AFF4: variants seen among roughly 807,000 people sequenced by gnomAD.
AFF4 encodes the protein AF4/FMR2 family member 4.
Under a neutral mutation model 124.8 loss-of-function variants are expected in AFF4, and 13 were observed. That is an observed-to-expected ratio of 0.10 (90% confidence interval 0.07 to 0.17). AFF4 has a LOEUF of 0.17. AFF4 is among the 10% of genes least tolerant of loss of function. The probability of loss-of-function intolerance (pLI) is 1.00; values close to 1 mark genes in which losing one functional copy is unlikely to be tolerated. For synonymous variants in AFF4, 477 were observed against 496.1 expected (o/e 0.96, Z 0.51); for missense variants, 1,092 against 1,403.8 (o/e 0.78, Z 3.55).
chr5:132,934,976 T>C, intron 2 of AFF4, 35 bp from the exon 3 acceptor site: 1 of 1,424,804 alleles, frequency 7.0e-7, no homozygotes, highest in Non-Finnish European at 9.3e-7. Context: ...AATTATAAAA[T>C]GAGCATAATC....
chr5:132,881,040 C>A lies in AFF4; in HGVS notation c.*19G>T, dbSNP rs1439571042. 6.2e-7 allele frequency: 1 copy of A among 1,608,190 alleles called. No individual in the cohort carries two copies. ...ACAGTGTTGTGGAGAAAATCAGAGG[C>A]AACGAGAATGTGTTCAGTTCAAGAT... On this transcript the variant is annotated 3_prime_UTR_variant, in exon 21 of 21. Transcript: ENST00000265343.
Position 132,877,696 on chromosome 5 carries a change from C to T in AFF4, c.*3363G>A, listed in dbSNP as rs1431738348. 1 of 211,648 alleles carries T rather than the reference C, an allele frequency of 4.7e-6. No homozygotes were observed. The highest frequency in any genetic ancestry group is 2.3e-5 in the African/African-American group (1 of 44,124). 13.1% of individuals were successfully genotyped at this position (211,648 alleles called of 1,614,324 possible). On this transcript the variant is annotated 3_prime_UTR_variant, in exon 21 of 21. Transcript: ENST00000265343. ...AGAGTACTGGCCTCTAGAGCCAGAA[C>T]TTTCATTTATAACAAGTGCCTTTTG...
rs970419577 is a variant in AFF4 at position 132,963,579 on chromosome 5, C to T, written c.-325G>A. 1 of 397,726 alleles carries T rather than the reference C, an allele frequency of 2.5e-6. No homozygotes were observed. Among genetic ancestry groups the T allele is most frequent in the Non-Finnish European group, 4.4e-6 (1 of 225,538 alleles). The allele number at this position is 397,726 out of a possible 1,614,324, so 24.6% of individuals were successfully genotyped here. ...AGACCTGGCACCAGGATCCCCGCCC[C>T]GTCCGCTGGCGGCGGCGACGGCAGC... On this transcript the variant is annotated 5_prime_UTR_variant, in exon 1 of 21. Coordinates refer to ENST00000265343, the MANE Select transcript of AFF4 (RefSeq NM_014423.4).
In AFF4 at chr5:132,896,873, C is replaced by T; in HGVS notation, c.1757G>A (p.Ser586Asn). The stretch of plus-strand genomic sequence containing the variant: ...GCTAGCCAAGTCTACAGGGGTTTCA[C>T]TTTCTATCTTCAGGCCTCCACGAGG... ...EEPRGGLKIESETPVDLASSM... is the reference protein window; with the variant it reads ...EEPRGGLKIENETPVDLASSM... The change falls in exon 11 of 21, where the codon AGT (serine) becomes AAT (asparagine). Residue 586 changes from serine (S) to asparagine (N), a missense_variant. By Grantham distance (46) the Ser-to-Asn change is conservative (BLOSUM62 1). Around this residue, in one of 11 missense-constraint regions of AFF4, gnomAD observed 174 missense variants for 205.9 expected, o/e 0.84. Transcript: ENST00000265343. 1 of 1,614,110 alleles carries T rather than the reference C, an allele frequency of 6.2e-7. No homozygotes were observed.
At chr5:132,894,860 G>A (rs1760347458) in intron 11 of AFF4, among the ~76,000 whole-genome samples, 1 of 152,060 alleles carries the variant, frequency 6.6e-6, no homozygotes, top group Admixed American at 6.5e-5. Flanking sequence ...AGGCTGAGGA[G>A]GGAGGATCAC....
chr5:132,914,776 A>C (rs1042235164), intron 5 of AFF4, among the ~76,000 whole-genome samples: 3 of 152,130 alleles, frequency 2.0e-5, no homozygotes, highest in African/African-American at 7.2e-5. Context: ...AATTACCGGA[A>C]TAGGGAATAA....
chr5:132,915,965 T>C (rs1760899304), intron 5 of AFF4, among the ~76,000 whole-genome samples: 1 of 152,128 alleles, frequency 6.6e-6, no homozygotes, highest in Non-Finnish European at 1.5e-5. Context: ...TGTTTAAGAA[T>C]TGCTTAAGGC....
intron 5 of AFF4, 135 bp from the exon 6 acceptor site, chr5:132,904,539 C>A (rs1355675804): frequency 2.6e-5 from 20 of 755,144 alleles, no homozygotes; most frequent in Non-Finnish European, 3.8e-5. Context: ...GTCTGATCAG[C>A]CTTGGCAATT....
intron 1 of AFF4, among the ~76,000 whole-genome samples, chr5:132,940,227 C>T (rs375231756): frequency 6.7e-6 from 1 of 149,518 alleles, no homozygotes; most frequent in Non-Finnish European, 1.5e-5. Flanking sequence ...AGGCCGGGTG[C>T]GGTGGCTCAC....
intron 13 of AFF4, 57 bp from the exon 14 acceptor site, chr5:132,889,230 T>C: frequency 8.1e-7 from 1 of 1,229,648 alleles, no homozygotes; most frequent in Non-Finnish European, 1.2e-6. Flanking sequence ...AAAATGAAAC[T>C]AATAGCATTT....
intron 1 of AFF4, among the ~76,000 whole-genome samples, chr5:132,952,604 C>A (rs1237090726): frequency 6.6e-6 from 1 of 152,122 alleles, no homozygotes; most frequent in Non-Finnish European, 1.5e-5. Context: ...CTTAAAATAT[C>A]TCTATGTGGC....
At chr5:132,903,873 G>A (rs1760609985) in intron 6 of AFF4, 1 of 152,534 alleles carries the variant, frequency 6.6e-6, no homozygotes, top group Non-Finnish European at 1.5e-5. Context: ...AATAAAAGTA[G>A]TGTATTTTGA....
intron 3 of AFF4, among the ~76,000 whole-genome samples, chr5:132,933,767 C>T (rs1761354423): frequency 1.3e-5 from 2 of 152,324 alleles, no homozygotes; most frequent in South Asian, 4.1e-4. Context: ...TCACCTGCAT[C>T]TCATTCATTA....
chr5:132,957,993 C>T (rs1325458679), intron 1 of AFF4, among the ~76,000 whole-genome samples: 1 of 151,996 alleles, frequency 6.6e-6, no homozygotes, highest in Non-Finnish European at 1.5e-5. Context: ...TTATTTGGAT[C>T]CTAATTCACA....
intron 17 of AFF4, among the ~76,000 whole-genome samples, chr5:132,887,248 G>C (rs918987699): frequency 6.6e-6 from 1 of 152,234 alleles, no homozygotes; most frequent in African/African-American, 2.4e-5. Flanking sequence ...CAAATGAAGA[G>C]TGTGGAAAAG....
In AFF4 at chr5:132,905,681, G is replaced by T. The variant is rs571126342; in HGVS notation, c.1051-1277C>A. ...AAACAAAACAAAACAAAAAACTCAAGAAGGATCAAAGACCTATAAATGTAA... is the reference window on the plus strand; with the variant it reads ...AAACAAAACAAAACAAAAAACTCAATAAGGATCAAAGACCTATAAATGTAA... On this transcript the variant is annotated intron_variant, in intron 5 of 20. Coordinates refer to ENST00000265343, the MANE Select transcript of AFF4 (RefSeq NM_014423.4). 3.3e-5 allele frequency among the ~76,000 whole-genome samples: 5 copies of T among 151,982 alleles called. No individual in the cohort carries two copies. In the South Asian group the frequency reaches 8.3e-4, roughly 25 times the overall value.
chr5:132,961,034 CA>C (rs1298064254), intron 1 of AFF4, among the ~76,000 whole-genome samples: 2 of 152,006 alleles, frequency 1.3e-5, no homozygotes, highest in Non-Finnish European at 2.9e-5. Context: ...CCAGTCTGAC[CA>C]ACCTGCTGAA....
chr5:132,881,246 C>T (rs1225304134), intron 20 of AFF4, 60 bp from the exon 21 acceptor site: 2 of 1,558,990 alleles, frequency 1.3e-6, no homozygotes, highest in Non-Finnish European at 1.7e-6. Context: ...TGCTTTAAAA[C>T]TATGAGTAGA....
Position 132,899,638 on chromosome 5 carries a change from C to G in AFF4, c.1137G>C (p.Met379Ile), listed in dbSNP as rs1250800406. ...TGCTTAGTTTTAAGTCATCTTTTAA[C>G]ATACTAGAGGGAAAAGACAAAGAAT... Reference protein sequence around the residue: ...KTSNGHQSKSMLKDDLKLSSS... With the variant: ...KTSNGHQSKSILKDDLKLSSS... The change falls in exon 8 of 21, where the codon ATG becomes ATC. Residue 379 changes from methionine to isoleucine, a missense_variant. By Grantham distance (10) the Met-to-Ile change is conservative (BLOSUM62 1). Coordinates refer to ENST00000265343, the MANE Select transcript of AFF4 (RefSeq NM_014423.4). The G allele has an allele frequency of 6.2e-7, 1 of 1,610,568 alleles. No individual in the cohort carries two copies. Among genetic ancestry groups the G allele is most frequent in the Admixed American group, 1.7e-5 (1 of 59,970 alleles).
Sources: gnomAD v4.1 joint callset for allele counts (sites outside exome capture counted in the v4.1 genomes callset) on GRCh38, gnomAD v4.1.1 for gene constraint, gnomAD v4.1.1 regional missense constraint, MANE v1.5 for transcripts, NCBI Gene and HGNC (gene_info 2026-07-23, HGNC 2026-07-21) for gene names.